Variants in RALYL observed in about 807,000 individuals in gnomAD.
RALYL encodes RNA-binding Raly-like protein.
RALYL carries 29 observed loss-of-function variants against 35.1 expected under a neutral mutation model. That is an observed-to-expected ratio of 0.83 (90% CI 0.61 to 1.13). The LOEUF is 1.13. Among genes scored for constraint, RALYL ranks in the 50% most tolerant of loss-of-function variants. The probability of loss-of-function intolerance (pLI) is 0.00; values close to 1 mark genes in which losing one functional copy is unlikely to be tolerated. For missense variants in RALYL, 359 were observed against 360.4 expected (o/e 1.00, Z 0.03); for synonymous variants, 120 against 127.6 (o/e 0.94, Z 0.40).
intron 1 of RALYL, among the ~76,000 whole-genome samples, chr8:84,219,812 C>CAGAAAATT (rs1402245590): frequency 6.6e-6 from 1 of 151,820 alleles, no homozygotes; most frequent in Non-Finnish European, 1.5e-5. Flanking sequence ...ATATTGGAAG[C>CAGAAAATT]AGAAAATTAC....
At chr8:84,346,453 A>T (rs569632738) in intron 1 of RALYL, among the ~76,000 whole-genome samples, 9 of 152,064 alleles carry the variant, frequency 5.9e-5, no homozygotes, top group South Asian at 2.1e-4. Context: ...TGTAGGAAAG[A>T]TTGATAAGTG....
At chr8:84,562,017 T>C (rs944401982) in intron 2 of RALYL, among the ~76,000 whole-genome samples, 5 of 151,994 alleles carry the variant, frequency 3.3e-5, no homozygotes, top group African/African-American at 1.2e-4. Flanking sequence ...TATAAGACTT[T>C]TTTCCTACTG....
chr8:84,427,540 A>C (rs2046629790), intron 1 of RALYL, among the ~76,000 whole-genome samples: 1 of 152,118 alleles, frequency 6.6e-6, no homozygotes, highest in Non-Finnish European at 1.5e-5. Flanking sequence ...ATATGTATGC[A>C]TTTAAAAAAA....
intron 1 of RALYL, among the ~76,000 whole-genome samples, chr8:84,205,119 T>C (rs931389720): frequency 2.6e-5 from 4 of 152,226 alleles, no homozygotes; most frequent in Admixed American, 1.3e-4. Flanking sequence ...TTTACAAATA[T>C]GGCCCTTTCG....
chr8:84,425,735 C>CA (rs1375351883), intron 1 of RALYL, among the ~76,000 whole-genome samples: 1 of 151,704 alleles, frequency 6.6e-6, no homozygotes, highest in Non-Finnish European at 1.5e-5. Context: ...ATCAATCCAA[C>CA]AATAGCATGC....
intron 6 of RALYL, among the ~76,000 whole-genome samples, chr8:84,868,433 C>A (rs920953908): frequency 2.0e-5 from 3 of 152,210 alleles, no homozygotes; most frequent in South Asian, 4.1e-4. Flanking sequence ...GCTCAAGCAA[C>A]TCTCCTGCCT....
At chr8:84,704,285 C>T (rs376020378) in intron 2 of RALYL, among the ~76,000 whole-genome samples, 147 of 152,058 alleles carry the variant, frequency 9.7e-4, no homozygotes, top group African/African-American at 3.2e-3. Flanking sequence ...ATTAGCTGGG[C>T]GTGGTGGCAG....
intron 2 of RALYL, among the ~76,000 whole-genome samples, chr8:84,631,513 C>A (rs570478266): frequency 6.6e-6 from 1 of 152,006 alleles, no homozygotes; most frequent in African/African-American, 2.4e-5. Context: ...TGTAACACTG[C>A]TCAAATACAT....
intron 3 of RALYL, among the ~76,000 whole-genome samples, chr8:84,780,503 C>T (rs942450777): frequency 1.3e-5 from 2 of 152,150 alleles, no homozygotes; most frequent in African/African-American, 2.4e-5. Context: ...CAGAAATCTC[C>T]ACAAATGAAT....
intron 1 of RALYL, among the ~76,000 whole-genome samples, chr8:84,333,293 T>A (rs938165389): frequency 1.3e-5 from 2 of 152,112 alleles, no homozygotes; most frequent in African/African-American, 4.8e-5. Context: ...AAAGTGCCTA[T>A]AAAACACCTG....
At chr8:84,242,178 G>A (rs529109585) in intron 1 of RALYL, among the ~76,000 whole-genome samples, 2 of 152,074 alleles carry the variant, frequency 1.3e-5, no homozygotes, top group African/African-American at 2.4e-5. Flanking sequence ...CAACAGACAC[G>A]GTCTTATTCC....
chr8:84,679,282 C>T (rs558568086), intron 2 of RALYL: 150 of 222,874 alleles, frequency 6.7e-4, no homozygotes, highest in African/African-American at 3.1e-3. Context: ...ACCATGATGC[C>T]AGTGGAGTAA....
intron 1 of RALYL, among the ~76,000 whole-genome samples, chr8:84,410,700 T>A (rs1218823278): frequency 3.3e-5 from 5 of 151,898 alleles, no homozygotes; most frequent in Admixed American, 3.3e-4. Context: ...TTTTGTAGAT[T>A]AAATAAAACA....
rs113161253 is a variant in RALYL, at chr8:84,278,245, G to A, written c.-24+93821G>A. On this transcript the variant is annotated intron_variant, in intron 1 of 8. Transcript: ENST00000521268. ...AGGGCTTGGGGCTTGCACCCTCTGA[G>A]CAATGGCCTGAGCTGTACATCGGCC... 3.1e-3 allele frequency among the ~76,000 whole-genome samples: 477 copies of A among 152,340 alleles called. 5 individuals carry two copies. The highest frequency in any genetic ancestry group is 0.011 in the African/African-American group (461 of 41,576).
At chr8:84,667,926 T>A (rs887821570) in intron 2 of RALYL, among the ~76,000 whole-genome samples, 2 of 152,098 alleles carry the variant, frequency 1.3e-5, no homozygotes, top group African/African-American at 4.8e-5. Context: ...AGCAAGAAAA[T>A]GGGCATTCCA....
intron 7 of RALYL, among the ~76,000 whole-genome samples, chr8:84,886,420 A>G (rs1001050536): frequency 2.0e-5 from 3 of 151,626 alleles, no homozygotes; most frequent in East Asian, 3.8e-4. Context: ...TGAATACCCT[A>G]AAGTTATTTA....
chr8:84,607,414 GAGTT>G lies in RALYL; in HGVS notation c.256+77840_256+77843del, dbSNP rs150803715. 1.4e-4 allele frequency among the ~76,000 whole-genome samples: 21 copies of G among 152,206 alleles called. No individual in the cohort carries two copies. The East Asian group carries it at 2.3e-3, about 17-fold the overall frequency. The stretch of plus-strand genomic sequence containing the variant: ...AAATTCAAAATGATTTTTAAACTGT[GAGTT>G]AGAGAAAAATCAGCAAAATATTTAG... On this transcript the variant is annotated intron_variant, in intron 2 of 8. Coordinates refer to ENST00000521268, the MANE Select transcript of RALYL (RefSeq NM_173848.7).
chr8:84,606,163 C>T lies in RALYL; in HGVS notation c.256+76586C>T, dbSNP rs184070649. Reference sequence around the variant, plus strand: ...TTCCCCTATTCCTATGGTGCTCTTGCACTCTCATACACACATCAAGTATCT... The same window carrying T: ...TTCCCCTATTCCTATGGTGCTCTTGTACTCTCATACACACATCAAGTATCT... On this transcript the variant is annotated intron_variant, in intron 2 of 8. Transcript: ENST00000521268. Among the ~76,000 whole-genome samples, 21 of 152,234 alleles carry T rather than the reference C, an allele frequency of 1.4e-4. No individual in the cohort carries two copies. In the East Asian group the frequency reaches 3.5e-3, roughly 25 times the overall value.
chr8:84,340,360 A>G (rs558194018), intron 1 of RALYL, among the ~76,000 whole-genome samples: 55 of 152,258 alleles, frequency 3.6e-4, no homozygotes, highest in African/African-American at 1.3e-3. Flanking sequence ...CTGTGGGTAC[A>G]GTGTTGTACA....
Sources: allele counts gnomAD v4.1 joint callset (sites outside exome capture counted in the v4.1 genomes callset), GRCh38; gene constraint gnomAD v4.1.1; transcripts MANE v1.5; gene names NCBI Gene and HGNC (gene_info 2026-07-23, HGNC 2026-07-21).